The following CNNM2 variants were observed in gnomAD, a reference collection of about 807,000 sequenced individuals.
CNNM2 encodes the protein cyclin and CBS domain divalent metal cation transport mediator 2.
A neutral mutation model predicts 66.9 loss-of-function variants in CNNM2; 12 were observed. The ratio of observed to expected loss-of-function variants is 0.18; its 90% CI spans 0.11 to 0.29. The LOEUF (loss-of-function observed/expected upper bound fraction) is 0.29, where lower values mean the gene tolerates loss of function less well. Ranked by LOEUF, CNNM2 falls within the 10% of genes least tolerant of loss-of-function variation. The pLI is 1.00. For missense variants in CNNM2, 705 were observed against 1,167.7 expected, an observed-to-expected ratio of 0.60 and a Z score of 5.77; for synonymous variants, 557 against 501.8, an observed-to-expected ratio of 1.11 and a Z score of -1.47.
Position 102,918,874 on chromosome 10 carries a change from G to A in CNNM2, c.394G>A (p.Glu132Lys). 3.7e-6 allele frequency: 6 copies of A among 1,608,154 alleles called. No homozygotes were observed. Among genetic ancestry groups the A allele is most frequent in the Non-Finnish European group, 5.1e-6 (6 of 1,177,202 alleles). Residue 132 changes from glutamate (E) to lysine (K), a missense_variant, in exon 1 of 8, where the codon GAG (glutamate) becomes AAG (lysine). Coordinates refer to ENST00000369878, the MANE Select transcript of CNNM2 (RefSeq NM_017649.5). The surrounding 1 kb of genome is among the most constrained non-coding windows in gnomAD (Gnocchi z 4.1). ...CGAGCGGCGGCGCCACAGCCCGGGG[G>A]AGCGCGGGCTGGGGGGCCCCGCGCC... ...EHERRRHSPG[E>K]RGLGGPAPPE...
chr10:102,951,273 T>G (rs1177480187), intron 1 of CNNM2, among the ~76,000 whole-genome samples: 2 of 152,058 alleles, frequency 1.3e-5, no homozygotes, highest in Admixed American at 1.3e-4. Context: ...CTTGGCTTAC[T>G]GCAACCTCCA....
intron 2 of CNNM2, among the ~76,000 whole-genome samples, chr10:103,053,923 GT>G (rs2065255758): frequency 6.6e-6 from 1 of 152,236 alleles, no homozygotes; most frequent in South Asian, 2.1e-4. Flanking sequence ...TGTGTACACA[GT>G]GGTGGTCCTT....
intron 1 of CNNM2, among the ~76,000 whole-genome samples, chr10:102,967,006 G>C (rs2063474121): frequency 6.6e-6 from 1 of 152,206 alleles, no homozygotes; most frequent in Non-Finnish European, 1.5e-5. Context: ...CCTGGGGTCT[G>C]GTGTGATCCA....
chr10:103,009,302 T>G (rs970303729), intron 1 of CNNM2, among the ~76,000 whole-genome samples: 1 of 152,100 alleles, frequency 6.6e-6, no homozygotes, highest in African/African-American at 2.4e-5. Flanking sequence ...ACAACTAACT[T>G]ATACAAATTA....
chr10:102,926,911 G>A (rs1845887539), intron 1 of CNNM2, among the ~76,000 whole-genome samples: 1 of 151,840 alleles, frequency 6.6e-6, no homozygotes, highest in African/African-American at 2.4e-5. Flanking sequence ...TAGAAACGAG[G>A]TCATGCCATG....
intron 1 of CNNM2, among the ~76,000 whole-genome samples, chr10:102,996,063 G>A (rs965950673): frequency 6.6e-6 from 1 of 152,126 alleles, no homozygotes; most frequent in Non-Finnish European, 1.5e-5. Context: ...TGTGTGTATA[G>A]AATTATCGTA....
At chr10:103,022,079 A>G (rs1033022855) in intron 1 of CNNM2, among the ~76,000 whole-genome samples, 1 of 152,198 alleles carries the variant, frequency 6.6e-6, no homozygotes, top group Non-Finnish European at 1.5e-5. Flanking sequence ...TCATCATGGG[A>G]CTGAAGCAGC....
In CNNM2 at chr10:102,942,897, T is replaced by C. The variant is rs72841300; in HGVS notation, c.1621+22796T>C. Among the ~76,000 whole-genome samples, 6,073 of 152,246 alleles carry C rather than the reference T, an allele frequency of 0.04. 175 individuals are homozygous for C. The highest frequency in any genetic ancestry group is 0.056 in the Non-Finnish European group (3,834 of 67,996). On this transcript the variant is annotated intron_variant, in intron 1 of 7. Coordinates refer to ENST00000369878, the MANE Select transcript of CNNM2 (RefSeq NM_017649.5). ...ATTATTTTAAGTGAAAAGAGCAACA[T>C]GGTTTCAACTGTGTTTTAAAAACTG...
intron 1 of CNNM2, among the ~76,000 whole-genome samples, chr10:102,976,222 G>A (rs905133599): frequency 2.6e-5 from 4 of 151,982 alleles, no homozygotes; most frequent in African/African-American, 4.8e-5. Flanking sequence ...GAGGGAGAGT[G>A]GAATTTAGAA....
chr10:103,073,729 G>A (rs1351536993), intron 6 of CNNM2, among the ~76,000 whole-genome samples: 2 of 152,008 alleles, frequency 1.3e-5, no homozygotes, highest in African/African-American at 4.8e-5. Context: ...GGGCGCTGTG[G>A]TGGGCGCCTG....
intron 1 of CNNM2, among the ~76,000 whole-genome samples, chr10:103,000,572 C>T (rs2064100122): frequency 6.6e-6 from 1 of 151,924 alleles, no homozygotes; most frequent in South Asian, 2.1e-4. Flanking sequence ...TTGTGCCTTT[C>T]CCTCCCAAGT....
At chr10:102,950,767 A>T (rs1042456707) in intron 1 of CNNM2, among the ~76,000 whole-genome samples, 1 of 152,182 alleles carries the variant, frequency 6.6e-6, no homozygotes, top group Admixed American at 6.5e-5. Context: ...AAGAAAAAGA[A>T]AATAATTTGG....
At position 103,054,381 on chromosome 10, in the gene CNNM2, T is replaced by C. The variant is rs2065263625; in HGVS notation, c.1818T>C (p.Phe606=). Residue 606 remains phenylalanine, a synonymous_variant, in exon 3 of 8, where the codon TTT becomes TTC. Transcript: ENST00000369878. This position sits in a 1 kb window ranked among gnomAD's most constrained non-coding sequence, Gnocchi z 5.2. The part of the protein sequence containing the change: ...KVAHRERKQD[F]SAFKQTDSEM... Reference sequence around the variant, plus strand: ...CTCACCGGGAACGAAAGCAAGATTTTTCTGCCTTTAAGCAGACAGACAGTG... The same window carrying C: ...CTCACCGGGAACGAAAGCAAGATTTCTCTGCCTTTAAGCAGACAGACAGTG... The C allele has an allele frequency of 6.2e-7, 1 of 1,613,982 alleles. No individual in the cohort carries two copies. The highest frequency in any genetic ancestry group is 8.5e-7 in the Non-Finnish European group (1 of 1,179,874).
intron 4 of CNNM2, among the ~76,000 whole-genome samples, chr10:103,062,775 C>T (rs1240898561): frequency 6.6e-6 from 1 of 152,236 alleles, no homozygotes; most frequent in Non-Finnish European, 1.5e-5. Flanking sequence ...AATGTTTCTA[C>T]AGTGTGTCGT....
At chr10:103,044,423 G>A (rs2065094043) in intron 1 of CNNM2, among the ~76,000 whole-genome samples, 1 of 152,062 alleles carries the variant, frequency 6.6e-6, no homozygotes, top group South Asian at 2.1e-4. Context: ...GGGCATGGTG[G>A]TGCACGCCTA....
chr10:102,972,622 C>A (rs1466276396), intron 1 of CNNM2, among the ~76,000 whole-genome samples: 1 of 152,046 alleles, frequency 6.6e-6, no homozygotes, highest in Non-Finnish European at 1.5e-5. Context: ...GGAGACAGAG[C>A]GAGACTGTCT....
chr10:103,065,002 C>T (rs1381229557), intron 4 of CNNM2, among the ~76,000 whole-genome samples: 2 of 152,208 alleles, frequency 1.3e-5, no homozygotes, highest in Non-Finnish European at 2.9e-5. Flanking sequence ...CATATCCACC[C>T]CGCAGCAGTG....
intron 1 of CNNM2, among the ~76,000 whole-genome samples, chr10:103,029,629 G>A (rs1264961525): frequency 6.6e-6 from 1 of 152,110 alleles, no homozygotes; most frequent in Admixed American, 6.5e-5. Context: ...TTGGGAGGCT[G>A]AGGCGGGTGG....
intron 1 of CNNM2, among the ~76,000 whole-genome samples, chr10:103,044,198 C>A (rs79359900): frequency 6.6e-6 from 1 of 152,058 alleles, no homozygotes; most frequent in East Asian, 1.9e-4. Flanking sequence ...TTCTTCTATT[C>A]GTTTTCCCAG....
Sources: gnomAD v4.1 joint callset for allele counts (sites outside exome capture counted in the v4.1 genomes callset) on GRCh38, gnomAD v4.1.1 for gene constraint, Gnocchi (gnomAD v3.1) non-coding constraint, MANE v1.5 for transcripts, NCBI Gene and HGNC (gene_info 2026-07-23, HGNC 2026-07-21) for gene names.